TBC1D5: variants seen among roughly 807,000 people sequenced by gnomAD.
TBC1D5 encodes TBC1 domain family, member 5.
Under a neutral mutation model 100.3 loss-of-function variants are expected in TBC1D5, and 75 were observed. The ratio of observed to expected loss-of-function variants is 0.75; its 90% CI spans 0.62 to 0.91. TBC1D5 has a LOEUF of 0.91. TBC1D5 is among the 40% of genes least tolerant of loss of function. The probability of loss-of-function intolerance (pLI) is 0.00; values close to 1 mark genes in which losing one functional copy is unlikely to be tolerated. For missense variants in TBC1D5, 910 were observed against 942.4 expected (o/e 0.97, Z 0.45); for synonymous variants, 323 against 325.6 (o/e 0.99, Z 0.09).
intron 3 of TBC1D5, among the ~76,000 whole-genome samples, chr3:17,455,546 A>G (rs549581525): frequency 0.011 from 1,240 of 114,266 alleles, 3 homozygotes; most frequent in Admixed American, 0.015. Context: ...GTGTGTGTGT[A>G]TATATATATA....
At chr3:17,285,552 G>A (rs1288035304) in intron 15 of TBC1D5, among the ~76,000 whole-genome samples, 2 of 151,996 alleles carry the variant, frequency 1.3e-5, no homozygotes, top group Admixed American at 6.5e-5. Flanking sequence ...GAGCCACCGC[G>A]CCCGGCCGGA....
At chr3:17,212,266 G>T (rs2073072852) in intron 18 of TBC1D5, among the ~76,000 whole-genome samples, 1 of 152,098 alleles carries the variant, frequency 6.6e-6, no homozygotes, top group East Asian at 1.9e-4. Context: ...GGTCCCATAA[G>T]ACTATAATGG....
intron 8 of TBC1D5, among the ~76,000 whole-genome samples, chr3:17,385,739 G>C (rs1575631139): frequency 6.6e-6 from 1 of 150,508 alleles, no homozygotes; most frequent in Non-Finnish European, 1.5e-5. Flanking sequence ...GCCTCTTTTT[G>C]GGGGGCCAGT....
At chr3:17,235,564 T>C (rs2075789210) in intron 17 of TBC1D5, among the ~76,000 whole-genome samples, 1 of 152,186 alleles carries the variant, frequency 6.6e-6, no homozygotes, top group African/African-American at 2.4e-5. Context: ...AGGATACATG[T>C]GGGAAATACC....
chr3:17,417,208 T>C (rs1253686602), intron 4 of TBC1D5, among the ~76,000 whole-genome samples: 1 of 152,174 alleles, frequency 6.6e-6, no homozygotes, highest in Non-Finnish European at 1.5e-5. Context: ...ATTATTATTA[T>C]ACTTTAAGTT....
Position 17,318,137 on chromosome 3 carries a change from A to T in TBC1D5, c.996-10003T>A, listed in dbSNP as rs182562746. ...TAAACTATCGCAAGGACAAAAAACC[A>T]AACACCCCATATTCTCACTCATAGA... On this transcript the variant is annotated intron_variant, in intron 13 of 21. Transcript: ENST00000253692. Among the ~76,000 whole-genome samples the T allele has an allele frequency of 7.7e-4, 117 of 151,200 alleles. 2 individuals are homozygous for T. The East Asian group carries it at 0.012, about 15-fold the overall frequency.
Position 17,654,767 on chromosome 3 carries a change from T to C in TBC1D5, c.-100-30854A>G, listed in dbSNP as rs551815964. 1.1e-4 allele frequency among the ~76,000 whole-genome samples: 16 copies of C among 152,254 alleles called. No individual in the cohort carries two copies. In the South Asian group the frequency reaches 2.5e-3, roughly 24 times the overall value. ...TTCCTCCTTGTACCCCTGGTAGAAT[T>C]TGGCTGTGAATCCATCTGGTCCTGG... On this transcript the variant is annotated intron_variant, in intron 1 of 21. Coordinates refer to ENST00000253692, the Ensembl canonical transcript of TBC1D5.
chr3:17,191,950 G>A (rs774516679), intron 18 of TBC1D5, among the ~76,000 whole-genome samples: 20 of 152,124 alleles, frequency 1.3e-4, no homozygotes, highest in Middle Eastern at 3.4e-3. Flanking sequence ...TGTATTTATA[G>A]GAGAACATTT....
At chr3:17,586,213 G>A (rs571859836) in intron 2 of TBC1D5, 12 of 152,266 alleles carry the variant, frequency 7.9e-5, no homozygotes, top group African/African-American at 2.6e-4. Context: ...CCCTGAAGGA[G>A]TCTTCAATCT....
chr3:17,728,044 T>C (rs998720037), intron 1 of TBC1D5, among the ~76,000 whole-genome samples: 1 of 152,184 alleles, frequency 6.6e-6, no homozygotes, highest in African/African-American at 2.4e-5. Context: ...AATATAACTA[T>C]GTCAAGAGAA....
intron 17 of TBC1D5, among the ~76,000 whole-genome samples, chr3:17,216,378 C>CT (rs2073635431): frequency 6.6e-6 from 1 of 152,060 alleles, no homozygotes; most frequent in Admixed American, 6.6e-5. Flanking sequence ...CTGGCAGAGA[C>CT]TTGTTAGATC....
At position 17,618,433 on chromosome 3, in the gene TBC1D5, G is replaced by A. The variant is rs1215560242; in HGVS notation, c.-36+5416C>T. 4.6e-5 allele frequency among the ~76,000 whole-genome samples: 7 copies of A among 152,224 alleles called. No individual in the cohort carries two copies. The East Asian group carries it at 1.3e-3, about 29-fold the overall frequency. On this transcript the variant is annotated intron_variant, in intron 2 of 21. Transcript: ENST00000253692. ...GCTGGGAGAACCACTGCTCTCTTCA[G>A]AGCTGTTAGACAGGGACGTTTAAGT...
At chr3:17,166,666 A>C in intron 21 of TBC1D5, 101 bp downstream of exon 22, 2 of 1,458,788 alleles carry the variant, frequency 1.4e-6, no homozygotes, top group Non-Finnish European at 9.2e-7. Context: ...CATACATGGT[A>C]ATTTGAAGTA....
At chr3:17,595,382 T>C (rs1221830988) in intron 2 of TBC1D5, among the ~76,000 whole-genome samples, 3 of 152,100 alleles carry the variant, frequency 2.0e-5, no homozygotes, top group Non-Finnish European at 4.4e-5. Flanking sequence ...TCTTCACACA[T>C]CCAATAACTT....
At chr3:17,713,801 T>C (rs2074986762) in intron 1 of TBC1D5, among the ~76,000 whole-genome samples, 1 of 152,124 alleles carries the variant, frequency 6.6e-6, no homozygotes, top group African/African-American at 2.4e-5. Flanking sequence ...TCATTAGTCA[T>C]CATGGAAATG....
intron 13 of TBC1D5, among the ~76,000 whole-genome samples, chr3:17,370,632 C>T (rs1035274254): frequency 5.3e-5 from 8 of 152,098 alleles, no homozygotes. Flanking sequence ...AGCGTTAAAA[C>T]AGAAAAGCAG....
intron 3 of TBC1D5, among the ~76,000 whole-genome samples, chr3:17,503,881 A>G (rs1262008471): frequency 6.7e-6 from 1 of 149,672 alleles, no homozygotes; most frequent in Non-Finnish European, 1.5e-5. Flanking sequence ...ATAACTTGAC[A>G]TTTATTTGCC....
chr3:17,292,493 C>A (rs992917810), intron 14 of TBC1D5, among the ~76,000 whole-genome samples: 2 of 152,088 alleles, frequency 1.3e-5, no homozygotes, highest in Admixed American at 6.6e-5. Context: ...AGTAGAATTT[C>A]TTCTAATTAT....
At chr3:17,359,172 A>G (rs1179112844) in intron 13 of TBC1D5, among the ~76,000 whole-genome samples, 1 of 152,132 alleles carries the variant, frequency 6.6e-6, no homozygotes, top group Non-Finnish European at 1.5e-5. Flanking sequence ...TTTCATCTGT[A>G]TCTCCAATTA....
Sources: gnomAD v4.1 joint callset for allele counts (sites outside exome capture counted in the v4.1 genomes callset) on GRCh38, gnomAD v4.1.1 for gene constraint, MANE v1.5 for transcripts, NCBI Gene and HGNC (gene_info 2026-07-23, HGNC 2026-07-21) for gene names.